Variants in GTF2A1 observed in about 807,000 individuals in gnomAD.
The protein encoded by GTF2A1 is transcription initiation factor IIA subunit 1.
A neutral mutation model predicts 54.1 loss-of-function variants in GTF2A1; 12 were observed. The observed-to-expected ratio is 0.22, with a 90% CI of 0.14 to 0.36. The LOEUF (loss-of-function observed/expected upper bound fraction) is 0.36. GTF2A1 is among the 10% of genes least tolerant of loss of function. The probability of loss-of-function intolerance (pLI) is 1.00; values close to 1 mark genes in which losing one functional copy is unlikely to be tolerated. For missense variants in GTF2A1, 335 were observed against 442.2 expected, an observed-to-expected ratio of 0.76 and a Z score of 2.17; for synonymous variants, 145 against 152.0, an observed-to-expected ratio of 0.95 and a Z score of 0.34.
chr14:81,181,501 T>G (rs373966076), intron 8 of GTF2A1, among the ~76,000 whole-genome samples: 3 of 152,206 alleles, frequency 2.0e-5, no homozygotes, highest in East Asian at 1.9e-4. Flanking sequence ...ATCAGTCTGT[T>G]TCATATAATA....
At chr14:81,218,214 T>C (rs1396824029) in intron 1 of GTF2A1, among the ~76,000 whole-genome samples, 1 of 152,220 alleles carries the variant, frequency 6.6e-6, no homozygotes, top group Non-Finnish European at 1.5e-5. Context: ...GATGGTGTTT[T>C]GGCGTTTCTG....
intron 7 of GTF2A1, among the ~76,000 whole-genome samples, chr14:81,191,746 T>G (rs1892880850): frequency 6.6e-6 from 1 of 152,172 alleles, no homozygotes; most frequent in African/African-American, 2.4e-5. Flanking sequence ...GAATTTTATT[T>G]TAACTAGATG....
chr14:81,206,971 G>A (rs898232682), intron 2 of GTF2A1, among the ~76,000 whole-genome samples: 2 of 152,136 alleles, frequency 1.3e-5, no homozygotes, highest in Non-Finnish European at 1.5e-5. Flanking sequence ...TATTCAAAAT[G>A]TTAAATACTA....
At position 81,220,664 on chromosome 14, in the gene GTF2A1, G is replaced by A. The variant is rs1481637766; in HGVS notation, c.-146C>T. 1 of 496,468 alleles carries A rather than the reference G, an allele frequency of 2.0e-6. No individual in the cohort carries two copies. Among genetic ancestry groups the A allele is most frequent in the South Asian group, 3.4e-5 (1 of 29,824 alleles). 30.8% of individuals were successfully genotyped at this position (496,468 alleles called of 1,614,324 possible). On this transcript the variant is annotated 5_prime_UTR_variant, in exon 1 of 9. Transcript: ENST00000553612. ...AATTTTAAACAAAATCAATCCTGAA[G>A]GAGTAGGGGAGAGCGGAGAGAGGAG...
At chr14:81,188,489 C>T (rs917253838) in intron 7 of GTF2A1, among the ~76,000 whole-genome samples, 7 of 152,226 alleles carry the variant, frequency 4.6e-5, no homozygotes, top group East Asian at 1.9e-4. Context: ...CTGTTGCAAG[C>T]GGCTGGGCAC....
intron 2 of GTF2A1, among the ~76,000 whole-genome samples, chr14:81,206,026 G>A (rs1893221802): frequency 6.6e-6 from 1 of 151,946 alleles, no homozygotes. Flanking sequence ...AAAAATCAAG[G>A]TGAAAAAAAG....
chr14:81,213,375 T>C (rs1044246274), intron 2 of GTF2A1, among the ~76,000 whole-genome samples: 2 of 152,304 alleles, frequency 1.3e-5, no homozygotes, highest in Middle Eastern at 3.4e-3. Context: ...GATTCTACTA[T>C]TAACGATAGG....
chr14:81,200,858 A>G (rs1893090296), intron 4 of GTF2A1, among the ~76,000 whole-genome samples: 1 of 150,874 alleles, frequency 6.6e-6, no homozygotes, highest in East Asian at 1.9e-4. Context: ...GAACTACTCT[A>G]ATCTGACTAT....
In GTF2A1 at chr14:81,176,518, G is replaced by C. The variant is rs368980976; in HGVS notation, c.*3705C>G. ...TCCCTTAAAAGAGAAAAGTTTTTTT[G>C]TTCCTCAAAATAAACAAAAATGTTA... On this transcript the variant is annotated 3_prime_UTR_variant, in exon 9 of 9. Transcript: ENST00000553612. The C allele has an allele frequency of 6.6e-6, 1 of 151,958 alleles. No homozygotes were observed. The highest frequency in any genetic ancestry group is 2.4e-5 in the African/African-American group (1 of 41,366). 9.4% of individuals were successfully genotyped at this position (151,958 alleles called of 1,614,324 possible). A position where few individuals can be genotyped will look rare whatever the true frequency, so the allele number is the denominator to read the frequency against.
chr14:81,196,403 C>T (rs10145323), intron 5 of GTF2A1, among the ~76,000 whole-genome samples, 162 bp from the exon 6 acceptor site: 16,263 of 152,244 alleles, frequency 0.11, 1,955 homozygotes, highest in African/African-American at 0.3. Context: ...GCATAATCCT[C>T]CCCTTCTCTG....
rs1219207304 is a variant in GTF2A1 at position 81,220,594 on chromosome 14, A to T, written c.-76T>A. The T allele has an allele frequency of 5.8e-6, 7 of 1,197,552 alleles. No individual in the cohort carries two copies. The highest frequency in any genetic ancestry group is 5.1e-5 in the Admixed American group (2 of 39,254). 74.2% of individuals were successfully genotyped at this position (1,197,552 alleles called of 1,614,324 possible). A position where few individuals can be genotyped will look rare whatever the true frequency, so the allele number is the denominator to read the frequency against. On this transcript the variant is annotated 5_prime_UTR_variant, in exon 1 of 9. Coordinates refer to ENST00000553612, the MANE Select transcript of GTF2A1 (RefSeq NM_015859.4). ...AAACAAAACCAAAAAAAAAAAAACT[A>T]TAACACCCGGAGGGTGACCCAAATC...
At chr14:81,193,435 A>C (rs1327607434) in intron 6 of GTF2A1, among the ~76,000 whole-genome samples, 1 of 152,194 alleles carries the variant, frequency 6.6e-6, no homozygotes, top group African/African-American at 2.4e-5. Flanking sequence ...CTGGGATTAC[A>C]GGCGTGAGCC....
Position 81,179,948 on chromosome 14 carries a change from T to A in GTF2A1, c.*275A>T, listed in dbSNP as rs1467121309. Reference sequence around the variant, plus strand: ...CAAAGCTTTACATGCTAATTACCGGTGGCAGGTACCTGTATTTAAAATCAA... The same window carrying A: ...CAAAGCTTTACATGCTAATTACCGGAGGCAGGTACCTGTATTTAAAATCAA... On this transcript the variant is annotated 3_prime_UTR_variant, in exon 9 of 9. Transcript: ENST00000553612. 4.5e-6 allele frequency: 1 copy of A among 223,230 alleles called. No individual in the cohort carries two copies. Among genetic ancestry groups the A allele is most frequent in the East Asian group, 8.9e-5 (1 of 11,258 alleles). 13.8% of individuals were successfully genotyped at this position (223,230 alleles called of 1,614,324 possible).
At chr14:81,184,174 A>G (rs999557222) in intron 8 of GTF2A1, among the ~76,000 whole-genome samples, 3 of 152,206 alleles carry the variant, frequency 2.0e-5, no homozygotes, top group Non-Finnish European at 4.4e-5. Context: ...GGAGAATACA[A>G]CCATTGTCTT....
chr14:81,208,662 C>T (rs945503306), intron 2 of GTF2A1, among the ~76,000 whole-genome samples: 4 of 152,244 alleles, frequency 2.6e-5, no homozygotes, highest in Non-Finnish European at 2.9e-5. Context: ...AAGCAACCCA[C>T]GAAAGCAGCT....
chr14:81,185,505 C>A (rs181736739), intron 8 of GTF2A1, 26 bp downstream of exon 8: 1 of 1,188,106 alleles, frequency 8.4e-7, no homozygotes, highest in Non-Finnish European at 1.3e-6. Flanking sequence ...CAAATAACGT[C>A]AGTAATCTGA....
chr14:81,215,458 G>C (rs1893467157), intron 2 of GTF2A1, among the ~76,000 whole-genome samples: 2 of 152,198 alleles, frequency 1.3e-5, no homozygotes, highest in East Asian at 3.9e-4. Flanking sequence ...AGGGCTCCAT[G>C]AACTATACCT....
intron 2 of GTF2A1, among the ~76,000 whole-genome samples, chr14:81,207,139 G>GTACC (rs58629753): frequency 0.076 from 11,297 of 147,816 alleles, 451 homozygotes; most frequent in East Asian, 0.11. Flanking sequence ...ACCTACCTAC[G>GTACC]TACCTACCTA....
chr14:81,221,187 G>A (rs1039723784), upstream of GTF2A1: 1 of 152,394 alleles, frequency 6.6e-6, no homozygotes, highest in African/African-American at 2.4e-5. Flanking sequence ...TTGGCACCCA[G>A]GCGGAAGTCT....
Sources: allele counts gnomAD v4.1 joint callset (sites outside exome capture counted in the v4.1 genomes callset), GRCh38; gene constraint gnomAD v4.1.1; transcripts MANE v1.5; gene names NCBI Gene and HGNC (gene_info 2026-07-23, HGNC 2026-07-21).